Variants in CRHBP observed in about 807,000 individuals in gnomAD.
CRHBP encodes the protein corticotropin-releasing hormone-binding protein.
Under a neutral mutation model 34.9 loss-of-function variants are expected in CRHBP, and 19 were observed. The observed-to-expected ratio is 0.55, with a 90% confidence interval of 0.38 to 0.80. CRHBP has a LOEUF of 0.80. Ranked by LOEUF, CRHBP falls within the 30% of genes least tolerant of loss-of-function variation. The pLI, the probability that CRHBP is intolerant of heterozygous loss-of-function variation, is 0.00. For synonymous variants in CRHBP, 154 were observed against 153.4 expected (o/e 1.00, Z -0.03); for missense variants, 328 against 409.2 (o/e 0.80, Z 1.71).
intron 2 of CRHBP, among the ~76,000 whole-genome samples, chr5:76,975,830 A>AAAAAT (rs1561269768): frequency 1.0e-5 from 1 of 98,554 alleles, no homozygotes; most frequent in African/African-American, 5.7e-5. Flanking sequence ...AAAAAAATAT[A>AAAAAT]TATATATATA....
chr5:76,958,615 GCT>G lies in CRHBP; in HGVS notation c.545-121_545-120del, dbSNP rs375864178. ...TCCAAATTGCTTTTGTGGTATATATGCTCTCTTCCTGGGCAGAAGGCCCTAGA... is the reference window on the plus strand; with the variant it reads ...TCCAAATTGCTTTTGTGGTATATATGCTCTTCCTGGGCAGAAGGCCCTAGA... On this transcript the variant is annotated intron_variant, in intron 4 of 6. Coordinates refer to ENST00000274368, the MANE Select transcript of CRHBP (RefSeq NM_001882.4). 1.9e-5 allele frequency: 20 copies of G among 1,047,550 alleles called. No homozygotes were observed. In the African/African-American group the frequency reaches 3.2e-4, roughly 17 times the overall value. 64.9% of individuals were successfully genotyped at this position (1,047,550 alleles called of 1,614,324 possible).
Position 76,968,854 on chromosome 5 carries a change from G to A in CRHBP, c.938G>A (p.Ser313Asn). The change falls in exon 7 of 7, where the codon AGT becomes AAT. Residue 313 changes from serine to asparagine, a missense_variant. This residue lies in a region of CRHBP where 144 missense variants were observed against 216.7 expected (regional missense o/e 0.66). Transcript: ENST00000274368. The stretch of plus-strand genomic sequence containing the variant: ...GAGCTGGAAAACCCAAATGGAAACA[G>A]TATCGGGGAATTCTGTTTGTCTGGT... ...PYELENPNGN[S>N]IGEFCLSGL The A allele has an allele frequency of 1.9e-6, 3 of 1,613,986 alleles. No homozygotes were observed. The highest frequency in any genetic ancestry group is 2.5e-6 in the Non-Finnish European group (3 of 1,179,954).
intron 5 of CRHBP, among the ~76,000 whole-genome samples, chr5:76,959,652 C>T (rs988435238): frequency 1.3e-5 from 2 of 152,102 alleles, no homozygotes; most frequent in African/African-American, 4.8e-5. Flanking sequence ...TTAGTGAAAA[C>T]CAAATAAATA....
At chr5:76,971,573 C>A (rs1401195640), downstream of CRHBP, among the ~76,000 whole-genome samples, 1 of 152,164 alleles carries the variant, frequency 6.6e-6, no homozygotes, top group Non-Finnish European at 1.5e-5. Context: ...AGCATAGTAA[C>A]CCCAGCCCTA....
intron 3 of CRHBP, among the ~76,000 whole-genome samples, chr5:76,979,539 C>T (rs984102895): frequency 7.2e-5 from 11 of 151,868 alleles, no homozygotes; most frequent in Admixed American, 1.3e-4. Flanking sequence ...TTAGTAGAGA[C>T]GGTGTTTCAC....
Position 76,953,123 on chromosome 5 carries a change from G to A in CRHBP, c.-12G>A. On this transcript the variant is annotated 5_prime_UTR_variant, in exon 1 of 7. Transcript: ENST00000274368. ...CGGAGCAGAGCACAGCAGCTGCAGA[G>A]GCAAGGCCAGCATGTCGCCCAACTT... The A allele has an allele frequency of 6.2e-7, 1 of 1,614,190 alleles. No homozygotes were observed. The highest frequency in any genetic ancestry group is 1.7e-5 in the Admixed American group (1 of 60,032).
At chr5:76,955,367 G>T (rs890480070) in intron 3 of CRHBP, among the ~76,000 whole-genome samples, 1 of 152,148 alleles carries the variant, frequency 6.6e-6, no homozygotes, top group Non-Finnish European at 1.5e-5. Context: ...AATGTACATT[G>T]TACGTTGTTT....
downstream of CRHBP, among the ~76,000 whole-genome samples, chr5:76,973,545 T>C (rs1292687434): frequency 2.6e-5 from 4 of 152,374 alleles, no homozygotes; most frequent in South Asian, 8.3e-4. Flanking sequence ...AAGTCAGTTT[T>C]ATATCAGTCT....
chr5:76,953,564 C>A, intron 1 of CRHBP, 37 bp from the exon 2 acceptor site: 1 of 1,595,096 alleles, frequency 6.3e-7, no homozygotes. Context: ...ATCCCCAGCC[C>A]TTGAACTTTT....
In CRHBP at chr5:76,958,735, A is replaced by G. The variant is rs1745728765; in HGVS notation, c.545-6A>G. ...AAACGTGAATTTCTTTTTCTTTTCT[A>G]CAAAGCTTGCAATGTCATTTCTCAG... On this transcript the variant is annotated splice_region_variant and splice_polypyrimidine_tract_variant and intron_variant, in intron 4 of 6. Coordinates refer to ENST00000274368, the MANE Select transcript of CRHBP (RefSeq NM_001882.4). 2 of 1,601,832 alleles carry G rather than the reference A, an allele frequency of 1.2e-6. No homozygotes were observed. The highest frequency in any genetic ancestry group is 2.7e-5 in the African/African-American group (2 of 73,940).
chr5:76,965,064 T>C (rs1745842618), intron 6 of CRHBP, among the ~76,000 whole-genome samples: 1 of 151,946 alleles, frequency 6.6e-6, no homozygotes, highest in Non-Finnish European at 1.5e-5. Flanking sequence ...TTACATAGCT[T>C]TTACATTGTA....
intron 3 of CRHBP, among the ~76,000 whole-genome samples, chr5:76,980,624 C>G (rs913138860): frequency 3.3e-5 from 5 of 152,184 alleles, no homozygotes; most frequent in African/African-American, 1.2e-4. Context: ...CTGGATGTTG[C>G]TGTGAAGACA....
At chr5:76,962,124 A>G (rs532388162) in intron 5 of CRHBP, among the ~76,000 whole-genome samples, 10 of 152,004 alleles carry the variant, frequency 6.6e-5, no homozygotes, top group African/African-American at 2.4e-4. Flanking sequence ...TAAGTTCTCT[A>G]TTTTAGATTT....
Position 76,968,730 on chromosome 5 carries a change from C to T in CRHBP, c.814C>T (p.Gln272Ter). 6.2e-7 allele frequency: 1 copy of T among 1,610,130 alleles called. No homozygotes were observed. The highest frequency in any genetic ancestry group is 8.5e-7 in the Non-Finnish European group (1 of 1,177,604). Residue 272 changes from glutamine (Q) to a stop codon, truncating the protein, a stop_gained and splice_region_variant, in exon 7 of 7, where the codon CAG becomes TAG. Coordinates refer to ENST00000274368, the MANE Select transcript of CRHBP (RefSeq NM_001882.4). LOFTEE classifies it high-confidence loss of function. ...TTTATCTTTTCCATCCATTATAGCC[C>T]AGATGAAAGTTGGCTGTGACAACAC... ...DLCYPFHGPA[Q>*]MKVGCDNTVV...
intron 3 of CRHBP, among the ~76,000 whole-genome samples, chr5:76,977,056 G>A (rs1746044586): frequency 6.6e-6 from 1 of 152,124 alleles, no homozygotes; most frequent in South Asian, 2.1e-4. Flanking sequence ...CCTTTCCAAT[G>A]AAAAACAACC....
At chr5:76,964,383 GCAGA>G (rs1053232320) in intron 6 of CRHBP, among the ~76,000 whole-genome samples, 2 of 152,244 alleles carry the variant, frequency 1.3e-5, no homozygotes, top group Non-Finnish European at 2.9e-5. Flanking sequence ...AAGCTGCAAA[GCAGA>G]CAGTCCTCTT....
intron 3 of CRHBP, among the ~76,000 whole-genome samples, chr5:76,978,866 A>AC (rs1226148401): frequency 6.6e-6 from 1 of 152,260 alleles, no homozygotes; most frequent in East Asian, 1.9e-4. Flanking sequence ...GTTTGATAAA[A>AC]TTAACTCTAA....
chr5:76,956,608 G>T (rs371228286), intron 4 of CRHBP, among the ~76,000 whole-genome samples: 2 of 152,036 alleles, frequency 1.3e-5, no homozygotes, highest in African/African-American at 4.8e-5. Flanking sequence ...GGTGGTGGGC[G>T]CCTGTAGTCC....
chr5:76,963,613 A>G (rs1433605475), intron 6 of CRHBP, among the ~76,000 whole-genome samples, 153 bp downstream of exon 6: 1 of 152,232 alleles, frequency 6.6e-6, no homozygotes, highest in African/African-American at 2.4e-5. Flanking sequence ...GGCTATATAT[A>G]ACATCAGTAT....
Sources: allele counts gnomAD v4.1 joint callset (sites outside exome capture counted in the v4.1 genomes callset), GRCh38; gene constraint gnomAD v4.1.1; regional missense constraint gnomAD v4.1.1; transcripts MANE v1.5; gene names NCBI Gene and HGNC (gene_info 2026-07-23, HGNC 2026-07-21).